The following JAZF1 variants were observed in gnomAD, a reference collection of about 807,000 sequenced individuals.
JAZF1 encodes juxtaposed with another zinc finger protein 1.
JAZF1 carries 8 observed loss-of-function variants against 26.4 expected under a neutral mutation model. That is an observed-to-expected ratio of 0.30 (90% CI 0.18 to 0.55). The LOEUF (loss-of-function observed/expected upper bound fraction) is 0.55, where lower values mean the gene tolerates loss of function less well. Ranked by LOEUF, JAZF1 falls within the 20% of genes least tolerant of loss-of-function variation. JAZF1 has a pLI of 0.94. For synonymous variants in JAZF1, 126 were observed against 122.3 expected (o/e 1.03, Z -0.20); for missense variants, 199 against 322.0 (o/e 0.62, Z 2.92).
At chr7:28,019,355 G>A (rs1056705851) in intron 1 of JAZF1, among the ~76,000 whole-genome samples, 1 of 152,198 alleles carries the variant, frequency 6.6e-6, no homozygotes, top group Non-Finnish European at 1.5e-5. Context: ...AGGCACGTAG[G>A]GTGGCAACCT....
intron 2 of JAZF1, among the ~76,000 whole-genome samples, chr7:27,928,483 AAC>A (rs1414740941): frequency 2.6e-5 from 4 of 152,270 alleles, no homozygotes; most frequent in Admixed American, 2.6e-4. Flanking sequence ...CAAAGAAGAA[AAC>A]ACAATTCTTA....
intron 1 of JAZF1, among the ~76,000 whole-genome samples, chr7:28,019,454 T>C (rs186670788): frequency 6.6e-6 from 1 of 152,216 alleles, no homozygotes; most frequent in African/African-American, 2.4e-5. Flanking sequence ...ACTCTTTTCA[T>C]TTGGTAGATT....
At chr7:27,914,389 C>A (rs375581212) in intron 2 of JAZF1, among the ~76,000 whole-genome samples, 5 of 152,112 alleles carry the variant, frequency 3.3e-5, no homozygotes, top group Admixed American at 3.3e-4. Context: ...TTATGCACAG[C>A]GTGAGGCCCG....
chr7:27,879,500 T>A (rs1170777594), intron 3 of JAZF1, among the ~76,000 whole-genome samples: 1 of 152,196 alleles, frequency 6.6e-6, no homozygotes, highest in African/African-American at 2.4e-5. Flanking sequence ...TACGCTTTAG[T>A]ATCTTCTCTA....
intron 1 of JAZF1, among the ~76,000 whole-genome samples, chr7:28,024,802 C>T (rs1444632129): frequency 3.3e-5 from 5 of 152,180 alleles, no homozygotes; most frequent in Non-Finnish European, 7.4e-5. Context: ...GAAACGCAGA[C>T]AGAACCTTTT....
At chr7:28,031,496 A>G (rs1449206049) in intron 1 of JAZF1, among the ~76,000 whole-genome samples, 4 of 152,228 alleles carry the variant, frequency 2.6e-5, no homozygotes, top group African/African-American at 7.2e-5. Flanking sequence ...GGAGGAATGT[A>G]GCTGGCGATG....
intron 2 of JAZF1, among the ~76,000 whole-genome samples, chr7:27,950,154 A>T (rs1784985361): frequency 1.3e-5 from 2 of 152,248 alleles, no homozygotes; most frequent in Non-Finnish European, 2.9e-5. Context: ...AGCATGTCAA[A>T]TGAGACTATG....
At chr7:28,018,006 G>A (rs952580820) in intron 1 of JAZF1, among the ~76,000 whole-genome samples, 2 of 152,140 alleles carry the variant, frequency 1.3e-5, no homozygotes, top group East Asian at 3.9e-4. Context: ...AACTGATCTC[G>A]GGTGATCCGC....
intron 1 of JAZF1, among the ~76,000 whole-genome samples, chr7:28,048,149 T>C (rs1318988120): frequency 1.3e-5 from 2 of 152,176 alleles, no homozygotes; most frequent in Non-Finnish European, 2.9e-5. Context: ...TTCCTTTCTA[T>C]TCATATGTTC....
chr7:28,071,447 C>T (rs1783975539), intron 1 of JAZF1, among the ~76,000 whole-genome samples: 1 of 152,226 alleles, frequency 6.6e-6, no homozygotes, highest in South Asian at 2.1e-4. Context: ...CTTTAGTCCT[C>T]CTTTCAAACT....
chr7:28,040,613 G>T (rs987962555), intron 1 of JAZF1, among the ~76,000 whole-genome samples: 1 of 152,186 alleles, frequency 6.6e-6, no homozygotes, highest in Admixed American at 6.5e-5. Context: ...GGCAGCCATA[G>T]AGTCTAGGCC....
chr7:28,082,420 T>C (rs1434689081), intron 1 of JAZF1, among the ~76,000 whole-genome samples: 1 of 152,192 alleles, frequency 6.6e-6, no homozygotes, highest in Non-Finnish European at 1.5e-5. Flanking sequence ...CCCTTTTCTC[T>C]GTCCACCCTT....
chr7:27,850,930 G>A (rs561558110), intron 3 of JAZF1, among the ~76,000 whole-genome samples: 15 of 151,520 alleles, frequency 9.9e-5, no homozygotes, highest in South Asian at 2.1e-4. Flanking sequence ...ATAATACATC[G>A]GAATGAATTT....
In JAZF1 at chr7:27,868,194, C is replaced by A. The variant is rs866056396; in HGVS notation, c.385+27026G>T. On this transcript the variant is annotated intron_variant, in intron 3 of 4. Coordinates refer to ENST00000283928, the MANE Select transcript of JAZF1 (RefSeq NM_175061.4). The stretch of plus-strand genomic sequence containing the variant: ...CTGGTTGAACAGACACGTGAGTTCA[C>A]ACATGACACCATCTATTGGGATGAG... Among the ~76,000 whole-genome samples the A allele has an allele frequency of 3.3e-5, 5 of 152,358 alleles. No individual in the cohort carries two copies. The South Asian group carries it at 8.3e-4, about 25-fold the overall frequency.
chr7:28,054,560 C>A (rs1418417256), intron 1 of JAZF1, among the ~76,000 whole-genome samples: 1 of 152,076 alleles, frequency 6.6e-6, no homozygotes, highest in African/African-American at 2.4e-5. Flanking sequence ...CTGACAGGAT[C>A]TCTATTTGCA....
intron 1 of JAZF1, among the ~76,000 whole-genome samples, chr7:28,152,698 G>C (rs987772667): frequency 1.3e-5 from 2 of 152,146 alleles, no homozygotes; most frequent in African/African-American, 4.8e-5. Flanking sequence ...TAAATACAGC[G>C]AGTTAATGAA....
At chr7:27,948,411 A>C (rs532398346) in intron 2 of JAZF1, among the ~76,000 whole-genome samples, 23 of 152,340 alleles carry the variant, frequency 1.5e-4, no homozygotes, top group Admixed American at 2.6e-4. Flanking sequence ...AAATCTGGCA[A>C]TAAGGATGAG....
intron 3 of JAZF1, among the ~76,000 whole-genome samples, chr7:27,883,775 G>A (rs1379478121): frequency 1.3e-5 from 2 of 152,218 alleles, no homozygotes; most frequent in Non-Finnish European, 2.9e-5. Flanking sequence ...TCTCAACTGT[G>A]TCACTGGACT....
At chr7:28,131,541 A>G (rs1261519127) in intron 1 of JAZF1, among the ~76,000 whole-genome samples, 1 of 152,194 alleles carries the variant, frequency 6.6e-6, no homozygotes, top group African/African-American at 2.4e-5. Flanking sequence ...TCCTATAAGC[A>G]TTTCACAAAA....
Sources: allele counts gnomAD v4.1 joint callset (sites outside exome capture counted in the v4.1 genomes callset), GRCh38; gene constraint gnomAD v4.1.1; transcripts MANE v1.5; gene names NCBI Gene and HGNC (gene_info 2026-07-23, HGNC 2026-07-21).